STIM1: variants seen among roughly 807,000 people sequenced by gnomAD.
STIM1 encodes stromal interaction molecule 1.
In STIM1, 25 loss-of-function variants were observed where a neutral mutation model predicts 74.7. The ratio of observed to expected loss-of-function variants is 0.33; its 90% CI spans 0.24 to 0.47. STIM1 has a LOEUF of 0.47. Ranked by LOEUF, STIM1 falls within the 20% of genes least tolerant of loss-of-function variation. The probability of loss-of-function intolerance (pLI) is 1.00; values close to 1 mark genes in which losing one functional copy is unlikely to be tolerated. For synonymous variants in STIM1, 328 were observed against 348.8 expected (o/e 0.94, Z 0.66); for missense variants, 728 against 920.8 (o/e 0.79, Z 2.71).
chr11:3,940,805 G>A (rs2092995818), intron 1 of STIM1, among the ~76,000 whole-genome samples: 1 of 152,172 alleles, frequency 6.6e-6, no homozygotes, highest in South Asian at 2.1e-4. Context: ...AGAAGCAGTG[G>A]AGTAAAATTA....
intron 1 of STIM1, among the ~76,000 whole-genome samples, chr11:3,940,517 A>G (rs1201155140): frequency 6.6e-6 from 1 of 152,190 alleles, no homozygotes; most frequent in Non-Finnish European, 1.5e-5. Context: ...GGATAATAAC[A>G]GCAGACTCAC....
intron 4 of STIM1, 94 bp downstream of exon 4, chr11:4,055,731 T>C: frequency 4.4e-6 from 4 of 910,626 alleles, no homozygotes; most frequent in Non-Finnish European, 6.8e-6. Context: ...TAAGTGAGGT[T>C]CTGCCTTTTT....
At chr11:4,076,214 C>T (rs898452190) in intron 7 of STIM1, among the ~76,000 whole-genome samples, 5 of 151,776 alleles carry the variant, frequency 3.3e-5, no homozygotes, top group African/African-American at 7.2e-5. Context: ...AGTCAGGCGC[C>T]GTGGCTCATG....
chr11:4,057,155 A>G (rs2094296052), intron 4 of STIM1, among the ~76,000 whole-genome samples: 1 of 152,182 alleles, frequency 6.6e-6, no homozygotes. Flanking sequence ...AAGATCCAGG[A>G]TTTAGGTTTC....
chr11:4,022,990 C>G (rs991430800), intron 2 of STIM1, among the ~76,000 whole-genome samples: 2 of 152,160 alleles, frequency 1.3e-5, no homozygotes, highest in African/African-American at 2.4e-5. Flanking sequence ...GAGGGAAATC[C>G]ACCTTTAACG....
chr11:4,080,284 A>C (rs1172021795), intron 7 of STIM1, among the ~76,000 whole-genome samples: 1 of 152,104 alleles, frequency 6.6e-6, no homozygotes, highest in Non-Finnish European at 1.5e-5. Context: ...ATGTGTTTAC[A>C]GTATGTGACA....
At chr11:3,886,799 CGAGA>C (rs1565101470) in intron 1 of STIM1, among the ~76,000 whole-genome samples, 2 of 150,590 alleles carry the variant, frequency 1.3e-5, no homozygotes, top group African/African-American at 4.9e-5. Context: ...GTCAGGAGAT[CGAGA>C]TCATCCTGGA....
chr11:4,086,155 G>A (rs570548449), intron 11 of STIM1: 26 of 400,918 alleles, frequency 6.5e-5, no homozygotes, highest in East Asian at 1.6e-4. Context: ...GTGCTCTCCC[G>A]GACCTTATCC....
intron 3 of STIM1, among the ~76,000 whole-genome samples, chr11:4,047,373 T>G (rs1565159123): frequency 6.6e-6 from 1 of 152,072 alleles, no homozygotes; most frequent in Non-Finnish European, 1.5e-5. Flanking sequence ...CCCAGCACTT[T>G]GTGAGGCCAA....
In STIM1 at chr11:4,070,171, A is replaced by G; in HGVS notation, c.759A>G (p.Arg253=). ...KMMKDLEGLH[R]AEQSLHDLQE... Reference sequence around the variant, plus strand: ...TGAAGGACTTGGAGGGGTTACACCGAGCTGAGCAGAGTCTGCATGACCTTC... The same window carrying G: ...TGAAGGACTTGGAGGGGTTACACCGGGCTGAGCAGAGTCTGCATGACCTTC... Residue 253 remains arginine (R), a synonymous_variant, in exon 6 of 13, where the codon CGA becomes CGG. Coordinates refer to ENST00000526596, the MANE Select transcript of STIM1 (RefSeq NM_001382567.1). 3 of 1,614,138 alleles carry G rather than the reference A, an allele frequency of 1.9e-6. No homozygotes were observed. Among genetic ancestry groups the G allele is most frequent in the Non-Finnish European group, 2.5e-6 (3 of 1,180,026 alleles).
intron 5 of STIM1, among the ~76,000 whole-genome samples, chr11:4,067,698 T>C (rs1392752959): frequency 6.6e-6 from 1 of 152,202 alleles, no homozygotes; most frequent in Non-Finnish European, 1.5e-5. Context: ...TAACCTATCT[T>C]ATGTAGTAGT....
intron 2 of STIM1, among the ~76,000 whole-genome samples, chr11:3,991,887 T>C (rs1590628169): frequency 7.3e-6 from 1 of 137,128 alleles, no homozygotes; most frequent in African/African-American, 2.7e-5. Flanking sequence ...GAGGCGGAGG[T>C]TGCGGTGAGC....
rs991403690 is a variant in STIM1, at chr11:4,074,372, C to CA, written c.792-129dup. The CA allele has an allele frequency of 9.0e-6, 10 of 1,115,808 alleles. No homozygotes were observed. In the African/African-American group the frequency reaches 1.4e-4, roughly 15 times the overall value. 69.1% of individuals were successfully genotyped at this position (1,115,808 alleles called of 1,614,324 possible). ...CCTTGAGCTAGCTCAGAGCCAGACA[C>CA]ACAGCAGAGCAGGGAGAATATATGC... On this transcript the variant is annotated intron_variant, in intron 6 of 12. Coordinates refer to ENST00000526596, the MANE Select transcript of STIM1 (RefSeq NM_001382567.1).
intron 3 of STIM1, among the ~76,000 whole-genome samples, chr11:4,029,611 CAG>C (rs1295074671): frequency 6.6e-6 from 1 of 150,888 alleles, no homozygotes; most frequent in African/African-American, 2.4e-5. Context: ...CAGAGAGAGA[CAG>C]AGTGTGCGTG....
intron 12 of STIM1, among the ~76,000 whole-genome samples, chr11:4,090,437 C>T (rs746604815): frequency 1.2e-4 from 19 of 152,194 alleles, no homozygotes; most frequent in Non-Finnish European, 2.6e-4. Flanking sequence ...CCTGCCGCAC[C>T]ACAGACTTTG....
rs1554963559 is a variant in STIM1 at position 3,992,081 on chromosome 11, G to GTTTTTTTTTTTTT, written c.270+24406_270+24407insTTTTTTTTTTTTT. 9.8e-4 allele frequency among the ~76,000 whole-genome samples: 90 copies of GTTTTTTTTTTTTT among 91,956 alleles called. 6 individuals carry two copies. The highest frequency in any genetic ancestry group is 4.0e-3 in the African/African-American group (86 of 21,310). The allele number at this position is 91,956 out of a possible 152,430, so 60.3% of individuals were successfully genotyped here. On this transcript the variant is annotated intron_variant, in intron 2 of 12. Transcript: ENST00000526596. ...TTTCTCTGCAGCCTTGCCAACATCT[G>GTTTTTTTTTTTTT]TTTTTTTGTTTTTTTTTTTTTTTTT... is the stretch of plus-strand genomic sequence containing the variant.
chr11:3,933,625 G>C (rs1055759984), intron 1 of STIM1, among the ~76,000 whole-genome samples: 12 of 152,126 alleles, frequency 7.9e-5, no homozygotes, highest in African/African-American at 2.7e-4. Flanking sequence ...AGTAATCTAA[G>C]GATTCTCAAC....
chr11:3,901,162 CAG>C (rs1202252807), intron 1 of STIM1, among the ~76,000 whole-genome samples: 1 of 152,108 alleles, frequency 6.6e-6, no homozygotes, highest in African/African-American at 2.4e-5. Flanking sequence ...GCCTGGGCGA[CAG>C]AGAGAGACTC....
At chr11:3,925,332 T>C (rs1590570987) in intron 1 of STIM1, among the ~76,000 whole-genome samples, 1 of 152,156 alleles carries the variant, frequency 6.6e-6, no homozygotes, top group East Asian at 1.9e-4. Context: ...GAGGCGGAGG[T>C]TTCAGTAAGC....
Sources: gnomAD v4.1 joint callset for allele counts (sites outside exome capture counted in the v4.1 genomes callset) on GRCh38, gnomAD v4.1.1 for gene constraint, MANE v1.5 for transcripts, NCBI Gene and HGNC (gene_info 2026-07-23, HGNC 2026-07-21) for gene names.